CRISPLD1: variants seen among roughly 807,000 people sequenced by gnomAD.
CRISPLD1 encodes cysteine-rich secretory protein LCCL domain-containing 1.
A neutral mutation model predicts 77.5 loss-of-function variants in CRISPLD1; 60 were observed. That is an observed-to-expected ratio of 0.77 (90% confidence interval 0.63 to 0.96). CRISPLD1 has a LOEUF of 0.96. CRISPLD1 is among the 40% of genes least tolerant of loss of function. The pLI is 0.00. For synonymous variants in CRISPLD1, 195 were observed against 200.1 expected (o/e 0.97, Z 0.22); for missense variants, 623 against 615.8 (o/e 1.01, Z -0.12).
chr8:75,012,214 C>T (rs989714476), intron 2 of CRISPLD1, among the ~76,000 whole-genome samples: 8 of 151,950 alleles, frequency 5.3e-5, no homozygotes, highest in African/African-American at 9.7e-5. Context: ...ATTGTAAAGA[C>T]GTATGGGGCA....
intron 2 of CRISPLD1, chr8:75,000,152 C>T (rs1462451193): frequency 2.0e-6 from 2 of 984,888 alleles, no homozygotes; most frequent in Non-Finnish European, 2.4e-6. Context: ...AAAGTAACCA[C>T]CAGAACGCTG....
chr8:75,021,754 T>C (rs933805275), intron 12 of CRISPLD1, among the ~76,000 whole-genome samples: 6 of 152,158 alleles, frequency 3.9e-5, no homozygotes, highest in Non-Finnish European at 5.9e-5. Context: ...TGCAGTTTTA[T>C]AGAAAAAAGT....
intron 13 of CRISPLD1, chr8:75,026,604 T>C (rs914162646): frequency 1.6e-4 from 25 of 152,164 alleles, no homozygotes; most frequent in African/African-American, 6.0e-4. Flanking sequence ...CTGATGAGTT[T>C]ACGTTTTATG....
In CRISPLD1 at chr8:75,034,226, CCTAT is replaced by C. The variant is rs1216190192; in HGVS notation, c.*1987_*1990del. 2 of 152,046 alleles carry C rather than the reference CCTAT, an allele frequency of 1.3e-5. No homozygotes were observed. The highest frequency in any genetic ancestry group is 2.9e-5 in the Non-Finnish European group (2 of 67,944). The allele number at this position is 152,046 out of a possible 1,614,324, so 9.4% of individuals were successfully genotyped here. On this transcript the variant is annotated 3_prime_UTR_variant, in exon 15 of 15. Transcript: ENST00000262207. ...TCCATAGTCTTGTTCATATTGTTTA[CCTAT>C]CTTCTACACAAGGCGTGTCCTTGGG... is the stretch of plus-strand genomic sequence containing the variant.
chr8:75,019,682 T>C (rs889355214), intron 10 of CRISPLD1, among the ~76,000 whole-genome samples, 188 bp from the exon 11 acceptor site: 1 of 152,138 alleles, frequency 6.6e-6, no homozygotes, highest in Admixed American at 6.5e-5. Flanking sequence ...GGTGTTGATT[T>C]GGTTAATACC....
Position 75,012,516 on chromosome 8 carries a change from A to C in CRISPLD1, c.342A>C (p.Pro114=), listed in dbSNP as rs1022536526. The C allele has an allele frequency of 1.2e-6, 2 of 1,612,792 alleles. No homozygotes were observed. The highest frequency in any genetic ancestry group is 3.3e-5 in the Admixed American group (2 of 59,904). ...AACATGGACCTGCAAGCTTGCTTCCATCAATTGGACAGAATTTGGGAGCAC... is the reference window on the plus strand; with the variant it reads ...AACATGGACCTGCAAGCTTGCTTCCCTCAATTGGACAGAATTTGGGAGCAC... The part of the protein sequence containing the change: ...LWEHGPASLL[P]SIGQNLGAHW... The change falls in exon 3 of 15, where the codon CCA becomes CCC. Residue 114 remains proline, a synonymous_variant. Coordinates refer to ENST00000262207, the MANE Select transcript of CRISPLD1 (RefSeq NM_031461.6).
At chr8:75,000,059 A>G in intron 2 of CRISPLD1, 1 of 768,030 alleles carries the variant, frequency 1.3e-6, no homozygotes, top group Non-Finnish European at 1.6e-6. Flanking sequence ...AAGGATAATG[A>G]GCTATTAGGC....
chr8:75,022,936 A>G (rs535329054), intron 12 of CRISPLD1, among the ~76,000 whole-genome samples: 2 of 152,234 alleles, frequency 1.3e-5, no homozygotes, highest in South Asian at 2.1e-4. Flanking sequence ...TCTTATAAAA[A>G]TTATAAGAAA....
chr8:74,997,094 C>T (rs545960179), intron 2 of CRISPLD1, among the ~76,000 whole-genome samples: 1 of 152,268 alleles, frequency 6.6e-6, no homozygotes, highest in South Asian at 2.1e-4. Context: ...TGGACAGTTT[C>T]TCACAAGGGA....
intron 13 of CRISPLD1, among the ~76,000 whole-genome samples, chr8:75,027,880 C>A (rs1016318940): frequency 7.2e-5 from 11 of 152,054 alleles, no homozygotes; most frequent in African/African-American, 2.4e-4. Flanking sequence ...ACAGATAATT[C>A]TTTTCATCAT....
chr8:75,019,111 T>C (rs1813088346), intron 10 of CRISPLD1, among the ~76,000 whole-genome samples: 1 of 152,210 alleles, frequency 6.6e-6, no homozygotes. Context: ...TAATAGATTG[T>C]ATATTTTATG....
At position 75,013,936 on chromosome 8, in the gene CRISPLD1, C is replaced by T. The variant is rs374212057; in HGVS notation, c.511-51C>T. The stretch of plus-strand genomic sequence containing the variant: ...TGCATTTTTCTCTCAGAAGTGTTGT[C>T]CTATTTCATTTCAGCCTGCTTTTTC... On this transcript the variant is annotated intron_variant, in intron 4 of 14. Coordinates refer to ENST00000262207, the MANE Select transcript of CRISPLD1 (RefSeq NM_031461.6). The T allele has an allele frequency of 1.6e-5, 19 of 1,172,844 alleles. No homozygotes were observed. In the African/African-American group the frequency reaches 2.9e-4, roughly 18 times the overall value. The allele number at this position is 1,172,844 out of a possible 1,614,324, so 72.7% of individuals were successfully genotyped here. A position where few individuals can be genotyped will look rare whatever the true frequency, so the allele number is the denominator to read the frequency against.
chr8:75,026,071 GA>G (rs1307898113), intron 13 of CRISPLD1, among the ~76,000 whole-genome samples: 1 of 144,360 alleles, frequency 6.9e-6, no homozygotes. Flanking sequence ...TAGTTGAGGG[GA>G]TGTTGTAAGA....
intron 2 of CRISPLD1, among the ~76,000 whole-genome samples, chr8:74,999,708 C>T (rs985015472): frequency 5.3e-5 from 8 of 151,662 alleles, no homozygotes; most frequent in African/African-American, 9.7e-5. Context: ...CTATCACATT[C>T]GCCTCCCTTT....
intron 2 of CRISPLD1, among the ~76,000 whole-genome samples, chr8:75,001,857 G>T (rs943106217): frequency 6.6e-6 from 1 of 152,132 alleles, no homozygotes; most frequent in African/African-American, 2.4e-5. Flanking sequence ...TACTTATGAT[G>T]AAACGTTTTA....
chr8:75,032,817 A>C lies in CRISPLD1; in HGVS notation c.*575A>C, dbSNP rs1010883063. 13 of 151,902 alleles carry C rather than the reference A, an allele frequency of 8.6e-5. No individual in the cohort carries two copies. The highest frequency in any genetic ancestry group is 1.9e-4 in the Non-Finnish European group (13 of 67,816). 9.4% of individuals were successfully genotyped at this position (151,902 alleles called of 1,614,324 possible). On this transcript the variant is annotated 3_prime_UTR_variant, in exon 15 of 15. Coordinates refer to ENST00000262207, the MANE Select transcript of CRISPLD1 (RefSeq NM_031461.6). The stretch of plus-strand genomic sequence containing the variant: ...TTATTTTATATAAAATAATCCTTTA[A>C]TATCCAAATGAATCTGTTAAAATGT...
rs147578751 is a variant in CRISPLD1 at position 75,016,656 on chromosome 8, A to G, written c.819A>G (p.Thr273=). 6.7e-4 allele frequency: 1,083 copies of G among 1,613,552 alleles called. 1 individual carries two copies. The highest frequency in any genetic ancestry group is 6.8e-4 in the Admixed American group (41 of 60,006). The change falls in exon 7 of 15, where the codon ACA becomes ACG. Residue 273 remains threonine (T), a synonymous_variant. Coordinates refer to ENST00000262207, the MANE Select transcript of CRISPLD1 (RefSeq NM_031461.6). ...AAGTCCATGACACCCATGTCCGGAC[A>G]AGATCAGATGATAGTAGCAGAAATG... ...QSQVHDTHVR[T]RSDDSSRNEV...
At chr8:75,011,282 C>G (rs548825942) in intron 2 of CRISPLD1, among the ~76,000 whole-genome samples, 3 of 127,216 alleles carry the variant, frequency 2.4e-5, no homozygotes, top group South Asian at 3.1e-4. Context: ...CCCCTCCCCC[C>G]ACCCCACAAC....
intron 2 of CRISPLD1, chr8:75,000,262 G>C (rs1363559564): frequency 2.0e-6 from 2 of 985,294 alleles, no homozygotes; most frequent in Non-Finnish European, 2.4e-6. Context: ...GAATGAATGA[G>C]ATCAGATGTT....
Sources: allele counts gnomAD v4.1 joint callset (sites outside exome capture counted in the v4.1 genomes callset), GRCh38; gene constraint gnomAD v4.1.1; transcripts MANE v1.5; gene names NCBI Gene and HGNC (gene_info 2026-07-23, HGNC 2026-07-21).